The following CFAP61 variants were observed in gnomAD, a reference collection of about 807,000 sequenced individuals.
CFAP61 encodes cilia- and flagella-associated protein 61.
A neutral mutation model predicts 135.6 loss-of-function variants in CFAP61; 107 were observed. The observed-to-expected ratio is 0.79, with a 90% CI of 0.67 to 0.93. CFAP61 has a LOEUF of 0.93. Among genes scored for constraint, CFAP61 ranks in the 40% least tolerant of loss-of-function variants. The pLI is 0.00. For synonymous variants in CFAP61, 575 were observed against 578.5 expected, an observed-to-expected ratio of 0.99 and a Z score of 0.09; for missense variants, 1,507 against 1,556.2, an observed-to-expected ratio of 0.97 and a Z score of 0.53.
intron 6 of CFAP61, chr20:20,085,519 A>G (rs1430530407): frequency 7.3e-7 from 1 of 1,366,570 alleles, no homozygotes; most frequent in Admixed American, 1.9e-5. Flanking sequence ...TATTTTTCCC[A>G]GAAGAATTCG....
intron 8 of CFAP61, among the ~76,000 whole-genome samples, chr20:20,122,671 G>A (rs2049749089): frequency 6.6e-6 from 1 of 152,158 alleles, no homozygotes; most frequent in Admixed American, 6.5e-5. Context: ...TTGATTGATG[G>A]CAATTTGGGT....
At position 20,339,318 on chromosome 20, in the gene CFAP61, A is replaced by G. The variant is rs553673871; in HGVS notation, c.3423-2513A>G. ...AAAGCTCATCACGAATGCTGATAGCACCATAGTACCTGGCGGCCAAAAATG... is the reference window on the plus strand; with the variant it reads ...AAAGCTCATCACGAATGCTGATAGCGCCATAGTACCTGGCGGCCAAAAATG... On this transcript the variant is annotated intron_variant, in intron 25 of 26. Coordinates refer to ENST00000245957, the MANE Select transcript of CFAP61 (RefSeq NM_015585.4). 3.9e-4 allele frequency among the ~76,000 whole-genome samples: 60 copies of G among 152,354 alleles called. 2 individuals are homozygous for G. In the South Asian group the frequency reaches 0.012, roughly 30 times the overall value.
intron 6 of CFAP61, among the ~76,000 whole-genome samples, chr20:20,081,809 A>C (rs918614531): frequency 6.6e-6 from 1 of 152,206 alleles, no homozygotes; most frequent in African/African-American, 2.4e-5. Flanking sequence ...GAAAATCTGA[A>C]AGAAGCAAAA....
rs1264539977 is a variant in CFAP61, at chr20:20,315,426, G to T, written c.3422+17040G>T. 5.9e-5 allele frequency among the ~76,000 whole-genome samples: 9 copies of T among 152,182 alleles called. No individual in the cohort carries two copies. In the South Asian group the frequency reaches 1.2e-3, roughly 21 times the overall value. On this transcript the variant is annotated intron_variant, in intron 25 of 26. Coordinates refer to ENST00000245957, the MANE Select transcript of CFAP61 (RefSeq NM_015585.4). ...AAATTTGTTTGAGTTCATTGTAGAT[G>T]CTGGATATTAGCCCTTTGTCAGATG... is the stretch of plus-strand genomic sequence containing the variant.
chr20:20,148,435 T>G (rs537471345), intron 9 of CFAP61, among the ~76,000 whole-genome samples: 1 of 152,334 alleles, frequency 6.6e-6, no homozygotes, highest in Admixed American at 6.5e-5. Context: ...CTTTCAGCAG[T>G]GTTTTGTAAT....
chr20:20,305,489 T>A (rs2056416566), intron 25 of CFAP61, among the ~76,000 whole-genome samples: 1 of 152,248 alleles, frequency 6.6e-6, no homozygotes, highest in Non-Finnish European at 1.5e-5. Context: ...CAAAATCTTC[T>A]TGAATGATGA....
chr20:20,223,305 G>C (rs1188149294), intron 17 of CFAP61, among the ~76,000 whole-genome samples: 1 of 152,140 alleles, frequency 6.6e-6, no homozygotes, highest in Non-Finnish European at 1.5e-5. Flanking sequence ...CGAGGAAACT[G>C]ATATTTAGGA....
At chr20:20,096,718 G>A (rs568985234) in intron 7 of CFAP61, among the ~76,000 whole-genome samples, 14 of 152,240 alleles carry the variant, frequency 9.2e-5, no homozygotes, top group South Asian at 6.2e-4. Context: ...GTTAATCAGC[G>A]TCTGCTGAGT....
intron 2 of CFAP61, among the ~76,000 whole-genome samples, chr20:20,065,386 TA>T (rs11347862): frequency 0.027 from 3,945 of 144,402 alleles, 86 homozygotes; most frequent in African/African-American, 0.061. Flanking sequence ...CCCAAACATT[TA>T]AAAAAAAAAA....
At chr20:20,158,272 G>GA (rs1289711067) in intron 9 of CFAP61, among the ~76,000 whole-genome samples, 70 of 112,060 alleles carry the variant, frequency 6.2e-4, no homozygotes, top group African/African-American at 1.5e-3. Flanking sequence ...AATATCAAAT[G>GA]AAAAAAAAAA....
chr20:20,249,230 G>A (rs1227833955), intron 19 of CFAP61, among the ~76,000 whole-genome samples: 3 of 152,186 alleles, frequency 2.0e-5, no homozygotes, highest in South Asian at 2.1e-4. Context: ...TATCCAGAAT[G>A]GGTAGCAATC....
chr20:20,094,079 A>G (rs905879990), intron 7 of CFAP61, among the ~76,000 whole-genome samples: 2 of 152,254 alleles, frequency 1.3e-5, no homozygotes, highest in African/African-American at 2.4e-5. Context: ...TGAGAATGAC[A>G]TGACTTTATA....
At chr20:20,198,757 C>T (rs2056449365) in intron 16 of CFAP61, among the ~76,000 whole-genome samples, 1 of 152,150 alleles carries the variant, frequency 6.6e-6, no homozygotes, top group African/African-American at 2.4e-5. Flanking sequence ...GGTCTGAAGT[C>T]CAGTGGTGAA....
chr20:20,271,987 TC>T (rs1484532929), intron 21 of CFAP61, among the ~76,000 whole-genome samples: 1 of 152,224 alleles, frequency 6.6e-6, no homozygotes, highest in Non-Finnish European at 1.5e-5. Flanking sequence ...TATGTGATAT[TC>T]CGGTAATGTG....
rs539424229 is a variant in CFAP61, at chr20:20,317,694, G to C, written c.3422+19308G>C. On this transcript the variant is annotated intron_variant, in intron 25 of 26. Transcript: ENST00000245957. The stretch of plus-strand genomic sequence containing the variant: ...GCCCCAGCGGCTCTGACAGCTGCTG[G>C]GGCACTGTCTGCCAGGCCAGGATAC... Among the ~76,000 whole-genome samples the C allele has an allele frequency of 2.4e-4, 36 of 152,208 alleles. No individual in the cohort carries two copies. The East Asian group carries it at 6.4e-3, about 27-fold the overall frequency.
At chr20:20,327,707 A>G (rs978820225) in intron 25 of CFAP61, among the ~76,000 whole-genome samples, 1 of 147,120 alleles carries the variant, frequency 6.8e-6, no homozygotes, top group Non-Finnish European at 1.5e-5. Context: ...TATCTACCCA[A>G]TCCTAGAGAA....
At chr20:20,275,240 A>T (rs2053658734) in intron 21 of CFAP61, among the ~76,000 whole-genome samples, 2 of 152,266 alleles carry the variant, frequency 1.3e-5, no homozygotes, top group African/African-American at 4.8e-5. Flanking sequence ...AGATCAGCTG[A>T]CATCAGTCCA....
At chr20:20,108,236 G>T (rs551398409) in intron 8 of CFAP61, among the ~76,000 whole-genome samples, 1 of 152,222 alleles carries the variant, frequency 6.6e-6, no homozygotes, top group South Asian at 2.1e-4. Context: ...TTTAGTCATG[G>T]TTATCACAGA....
At chr20:20,067,104 AAG>A (rs1241915730) in intron 2 of CFAP61, among the ~76,000 whole-genome samples, 2 of 152,256 alleles carry the variant, frequency 1.3e-5, no homozygotes, top group South Asian at 4.1e-4. Flanking sequence ...AAAAAAAAAA[AAG>A]AAAATAAGTT....
Sources: allele counts gnomAD v4.1 joint callset (sites outside exome capture counted in the v4.1 genomes callset), GRCh38; gene constraint gnomAD v4.1.1; transcripts MANE v1.5; gene names NCBI Gene and HGNC (gene_info 2026-07-23, HGNC 2026-07-21).